SYT13: variants seen among roughly 807,000 people sequenced by gnomAD.
SYT13 encodes the protein synaptotagmin 13.
A neutral mutation model predicts 38.6 loss-of-function variants in SYT13; 21 were observed. The observed-to-expected ratio is 0.54, with a 90% CI of 0.39 to 0.78. SYT13 has a LOEUF of 0.78. SYT13 is among the 30% of genes least tolerant of loss of function. SYT13 has a pLI of 0.00. For missense variants in SYT13, 495 were observed against 548.7 expected (o/e 0.90, Z 0.98); for synonymous variants, 241 against 237.6 (o/e 1.01, Z -0.13).
At position 45,254,383 on chromosome 11, in the gene SYT13, A is replaced by G. The variant is rs1434141524; in HGVS notation, c.431T>C (p.Val144Ala). The G allele has an allele frequency of 6.2e-7, 1 of 1,613,488 alleles. No individual in the cohort carries two copies. Among genetic ancestry groups the G allele is most frequent in the Non-Finnish European group, 8.5e-7 (1 of 1,179,778 alleles). ...CTTCTCTGGGTTCCAGGTCTCCATG[A>G]CACAGACATCCTCCACCACACCTGT... Reference protein sequence around the residue: ...PQNGVVEDVCVMETWNPEKAA... With the variant: ...PQNGVVEDVCAMETWNPEKAA... Residue 144 changes from valine to alanine, a missense_variant, in exon 3 of 6, where the codon GTC becomes GCC. Transcript: ENST00000020926.
At chr11:45,277,614 A>G (rs914856784) in intron 1 of SYT13, among the ~76,000 whole-genome samples, 1 of 151,812 alleles carries the variant, frequency 6.6e-6, no homozygotes, top group Non-Finnish European at 1.5e-5. Context: ...GCTTTTCCCC[A>G]GGCCCTCGTA....
intron 1 of SYT13, among the ~76,000 whole-genome samples, chr11:45,273,497 G>T (rs1854974829): frequency 6.6e-6 from 1 of 152,062 alleles, no homozygotes; most frequent in South Asian, 2.1e-4. Context: ...GCTTGGAGCA[G>T]GGGGTGGGGA....
intron 1 of SYT13, among the ~76,000 whole-genome samples, chr11:45,283,152 A>G (rs1452245214): frequency 6.6e-6 from 1 of 152,222 alleles, no homozygotes; most frequent in African/African-American, 2.4e-5. Context: ...TATGTAAAAA[A>G]TAAACAAAAC....
Position 45,244,257 on chromosome 11 carries a change from A to G in SYT13, c.1076T>C (p.Met359Thr), listed in dbSNP as rs985538167. Reference protein sequence around the residue: ...KHKINPVWNEMIMFELPDDLL... With the variant: ...KHKINPVWNETIMFELPDDLL... Reference sequence around the variant, plus strand: ...GTCGTCAGGCAGCTCAAACATGATCATCTCGTTCCACACGGGGTTGATCTT... The same window carrying G: ...GTCGTCAGGCAGCTCAAACATGATCGTCTCGTTCCACACGGGGTTGATCTT... Residue 359 changes from methionine to threonine, a missense_variant, in exon 6 of 6, where the codon ATG becomes ACG. Coordinates refer to ENST00000020926, the MANE Select transcript of SYT13 (RefSeq NM_020826.3). 1.9e-6 allele frequency: 3 copies of G among 1,614,022 alleles called. No individual in the cohort carries two copies. The highest frequency in any genetic ancestry group is 2.5e-6 in the Non-Finnish European group (3 of 1,180,038).
intron 4 of SYT13, among the ~76,000 whole-genome samples, chr11:45,248,956 C>T (rs924274035): frequency 2.6e-5 from 4 of 152,202 alleles, no homozygotes; most frequent in African/African-American, 7.2e-5. Context: ...CCCTGGTTTT[C>T]CCTGCCCCTC....
chr11:45,247,164 A>G (rs537059523), intron 4 of SYT13, among the ~76,000 whole-genome samples: 9 of 152,300 alleles, frequency 5.9e-5, no homozygotes, highest in African/African-American at 2.2e-4. Flanking sequence ...ACGCAGCTTT[A>G]GAGTAACTCT....
chr11:45,266,661 G>A (rs1310761018), intron 1 of SYT13, among the ~76,000 whole-genome samples: 1 of 152,194 alleles, frequency 6.6e-6, no homozygotes, highest in African/African-American at 2.4e-5. Flanking sequence ...GGCTGAGTGG[G>A]AACAGCCTCG....
At chr11:45,261,144 A>G (rs1372886770) in intron 1 of SYT13, among the ~76,000 whole-genome samples, 1 of 152,218 alleles carries the variant, frequency 6.6e-6, no homozygotes, top group African/African-American at 2.4e-5. Context: ...CACCAGAGAA[A>G]TGCCATTAAA....
chr11:45,268,147 G>A lies in SYT13; in HGVS notation c.184-12256C>T, dbSNP rs1247290315. Among the ~76,000 whole-genome samples, 7 of 152,166 alleles carry A rather than the reference G, an allele frequency of 4.6e-5. No homozygotes were observed. In the East Asian group the frequency reaches 1.4e-3, roughly 29 times the overall value. On this transcript the variant is annotated intron_variant, in intron 1 of 5. Transcript: ENST00000020926. ...CTGCCCCTCCCAACCCGGCCAGGATGAGACACAACAGGAATACCAGCCAGC... is the reference window on the plus strand; with the variant it reads ...CTGCCCCTCCCAACCCGGCCAGGATAAGACACAACAGGAATACCAGCCAGC...
intron 4 of SYT13, among the ~76,000 whole-genome samples, chr11:45,249,113 A>G (rs1035051199): frequency 6.6e-6 from 1 of 152,242 alleles, no homozygotes; most frequent in Non-Finnish European, 1.5e-5. Context: ...ACACTTCTCA[A>G]AAGAAGACAT....
chr11:45,246,384 C>T lies in SYT13; in HGVS notation c.975G>A (p.Lys325=). Reference sequence around the variant, plus strand: ...GCCATCCTCTCACATCTCACTCACCCTTCCCCAGGAGCTCCTTGGACTGGT... The same window carrying T: ...GCCATCCTCTCACATCTCACTCACCTTTCCCCAGGAGCTCCTTGGACTGGT... ...HSNQSKELLG[K]DVSVKVTLKH... The change falls in exon 5 of 6, where the codon AAG becomes AAA. Residue 325 remains lysine, a splice_region_variant and synonymous_variant. Transcript: ENST00000020926. 6.2e-7 allele frequency: 1 copy of T among 1,613,786 alleles called. No individual in the cohort carries two copies. Among genetic ancestry groups the T allele is most frequent in the East Asian group, 2.2e-5 (1 of 44,874 alleles).
chr11:45,265,273 C>T (rs2902430), intron 1 of SYT13, among the ~76,000 whole-genome samples: 47 of 152,368 alleles, frequency 3.1e-4, no homozygotes, highest in African/African-American at 1.1e-3. Context: ...ACTGACAGTG[C>T]TGGATCTCAG....
At chr11:45,247,967 A>C (rs745561378) in intron 4 of SYT13, among the ~76,000 whole-genome samples, 1 of 152,278 alleles carries the variant, frequency 6.6e-6, no homozygotes, top group Non-Finnish European at 1.5e-5. Context: ...TAATGACAAC[A>C]GTCAAAACAA....
intron 1 of SYT13, among the ~76,000 whole-genome samples, chr11:45,274,298 C>T (rs748127476): frequency 6.6e-6 from 1 of 152,156 alleles, no homozygotes; most frequent in Non-Finnish European, 1.5e-5. Context: ...CCTTTCTGTT[C>T]TTTGTCTCTA....
intron 4 of SYT13, among the ~76,000 whole-genome samples, chr11:45,248,661 T>A (rs1471221905): frequency 6.6e-6 from 1 of 152,114 alleles, no homozygotes; most frequent in Non-Finnish European, 1.5e-5. Context: ...GACTGCAGAG[T>A]TGGGATGGGC....
chr11:45,282,090 C>T (rs1227332945), intron 1 of SYT13, among the ~76,000 whole-genome samples: 3 of 152,164 alleles, frequency 2.0e-5, no homozygotes, highest in African/African-American at 4.8e-5. Flanking sequence ...GGCCGCCGCT[C>T]ACTAATAGAT....
At position 45,285,076 on chromosome 11, in the gene SYT13, G is replaced by A. The variant is rs115070798; in HGVS notation, c.183+949C>T. 3.7e-3 allele frequency among the ~76,000 whole-genome samples: 570 copies of A among 152,276 alleles called. 10 individuals are homozygous for A. The highest frequency in any genetic ancestry group is 0.013 in the African/African-American group (557 of 41,564). ...AAGGGATCTAGAGGGCCTTTAGGAG[G>A]TCCTTTAAGTCATGCCCCTGCCCCA... On this transcript the variant is annotated intron_variant, in intron 1 of 5. Coordinates refer to ENST00000020926, the MANE Select transcript of SYT13 (RefSeq NM_020826.3).
intron 1 of SYT13, among the ~76,000 whole-genome samples, chr11:45,270,723 G>A (rs565877557): frequency 3.9e-5 from 6 of 152,224 alleles, no homozygotes; most frequent in African/African-American, 1.4e-4. Flanking sequence ...GTGATGCAGT[G>A]TAGAAAAAAA....
chr11:45,247,570 C>T (rs1265884253), intron 4 of SYT13, among the ~76,000 whole-genome samples: 2 of 152,164 alleles, frequency 1.3e-5, no homozygotes, highest in Non-Finnish European at 2.9e-5. Context: ...GGTCTGGTAC[C>T]AGGCTGGAGC....
Sources: gnomAD v4.1 joint callset for allele counts (sites outside exome capture counted in the v4.1 genomes callset) on GRCh38, gnomAD v4.1.1 for gene constraint, MANE v1.5 for transcripts, NCBI Gene and HGNC (gene_info 2026-07-23, HGNC 2026-07-21) for gene names.